Variants in CNTNAP2 observed in about 807,000 individuals in gnomAD.
CNTNAP2 encodes the protein contactin associated protein 2.
In CNTNAP2, 98 loss-of-function variants were observed where a neutral mutation model predicts 155.2. That is an observed-to-expected ratio of 0.63 (90% CI 0.54 to 0.75). The LOEUF (loss-of-function observed/expected upper bound fraction) is 0.75, where lower values mean the gene tolerates loss of function less well. CNTNAP2 is among the 30% of genes least tolerant of loss of function. CNTNAP2 has a pLI of 0.00. For synonymous variants in CNTNAP2, 651 were observed against 631.2 expected, an observed-to-expected ratio of 1.03 and a Z score of -0.47; for missense variants, 1,727 against 1,688.1, an observed-to-expected ratio of 1.02 and a Z score of -0.40.
intron 1 of CNTNAP2, among the ~76,000 whole-genome samples, chr7:146,151,471 T>C: frequency 6.6e-6 from 1 of 150,676 alleles, no homozygotes; most frequent in Non-Finnish European, 1.5e-5. Flanking sequence ...ACATTTTATA[T>C]ATAAATGAGA....
chr7:146,821,779 C>T (rs1585106916), intron 2 of CNTNAP2, among the ~76,000 whole-genome samples: 1 of 152,052 alleles, frequency 6.6e-6, no homozygotes, highest in East Asian at 1.9e-4. Flanking sequence ...GAGATACCAT[C>T]TCACACCAGT....
intron 12 of CNTNAP2, among the ~76,000 whole-genome samples, chr7:147,610,053 A>T (rs1441666953): frequency 6.6e-6 from 1 of 152,124 alleles, no homozygotes; most frequent in Non-Finnish European, 1.5e-5. Context: ...TGTAAAGCTA[A>T]ATTAGTCATT....
At chr7:146,808,860 G>T (rs1490505654) in intron 2 of CNTNAP2, among the ~76,000 whole-genome samples, 2 of 152,078 alleles carry the variant, frequency 1.3e-5, no homozygotes, top group Non-Finnish European at 2.9e-5. Context: ...CATTCACGTT[G>T]TCACGAATGA....
chr7:148,332,448 G>A (rs984739486), intron 21 of CNTNAP2, among the ~76,000 whole-genome samples: 1 of 152,166 alleles, frequency 6.6e-6, no homozygotes, highest in Non-Finnish European at 1.5e-5. Flanking sequence ...GGCTTGGCAA[G>A]GGCAGGGGCC....
intron 15 of CNTNAP2, among the ~76,000 whole-genome samples, chr7:148,033,993 A>C (rs773722122): frequency 2.0e-5 from 3 of 152,236 alleles, no homozygotes; most frequent in Non-Finnish European, 4.4e-5. Context: ...AGGCAGGAAA[A>C]AGAAAATTCT....
chr7:147,380,581 G>A (rs983305601), intron 9 of CNTNAP2, among the ~76,000 whole-genome samples: 2 of 151,742 alleles, frequency 1.3e-5, no homozygotes, highest in Non-Finnish European at 2.9e-5. Flanking sequence ...CCAAAAAAAA[G>A]GCAGAAAAAT....
At position 148,001,822 on chromosome 7, in the gene CNTNAP2, TA is replaced by T. The variant is rs563611581; in HGVS notation, c.2383+23834del. Among the ~76,000 whole-genome samples, 780 of 152,370 alleles carry T rather than the reference TA, an allele frequency of 5.1e-3. 8 individuals are homozygous for T. Among genetic ancestry groups the T allele is most frequent in the African/African-American group, 0.017 (710 of 41,586 alleles). The stretch of plus-strand genomic sequence containing the variant: ...AATATTTCTGTAAAATTTTCTGGTC[TA>T]TTTTTTTCAGGTTGGTACTTTTTAA... On this transcript the variant is annotated intron_variant, in intron 15 of 23. Coordinates refer to ENST00000361727, the MANE Select transcript of CNTNAP2 (RefSeq NM_014141.6).
intron 20 of CNTNAP2, among the ~76,000 whole-genome samples, chr7:148,233,021 T>C (rs1795989745): frequency 6.6e-6 from 1 of 152,236 alleles, no homozygotes; most frequent in Non-Finnish European, 1.5e-5. Flanking sequence ...ACCCATGGCA[T>C]ACCTCCAGTG....
intron 18 of CNTNAP2, among the ~76,000 whole-genome samples, chr7:148,181,605 T>C (rs1038871989): frequency 6.6e-6 from 1 of 152,118 alleles, no homozygotes; most frequent in African/African-American, 2.4e-5. Flanking sequence ...CAATTAACTT[T>C]CTTAGAGAAA....
chr7:147,151,846 C>T (rs1480626765), intron 8 of CNTNAP2, among the ~76,000 whole-genome samples: 1 of 152,066 alleles, frequency 6.6e-6, no homozygotes, highest in Admixed American at 6.5e-5. Context: ...ACAAACACAG[C>T]ACAGAGCTGG....
At chr7:147,221,525 G>A (rs1316821506) in intron 8 of CNTNAP2, among the ~76,000 whole-genome samples, 2 of 152,170 alleles carry the variant, frequency 1.3e-5, no homozygotes, top group Non-Finnish European at 2.9e-5. Context: ...GCTTAGCATG[G>A]GTTCTCTCAG....
intron 15 of CNTNAP2, chr7:148,014,320 A>G (rs936417345): frequency 3.3e-5 from 5 of 151,680 alleles, no homozygotes; most frequent in Admixed American, 1.3e-4. Flanking sequence ...TGGTCTTGCA[A>G]TGGGCTTTTT....
intron 4 of CNTNAP2, among the ~76,000 whole-genome samples, chr7:147,064,756 C>A (rs534088510): frequency 6.6e-6 from 1 of 152,214 alleles, no homozygotes; most frequent in African/African-American, 2.4e-5. Context: ...GAAAATCATT[C>A]TCTCCATCTC....
chr7:148,363,433 A>T (rs1304739305), intron 21 of CNTNAP2, among the ~76,000 whole-genome samples: 1 of 152,220 alleles, frequency 6.6e-6, no homozygotes, highest in African/African-American at 2.4e-5. Flanking sequence ...CAAGACAGTA[A>T]TATTATTTTT....
chr7:147,218,700 G>C (rs1393925244), intron 8 of CNTNAP2, among the ~76,000 whole-genome samples: 1 of 151,980 alleles, frequency 6.6e-6, no homozygotes, highest in East Asian at 1.9e-4. Context: ...TGTGTATTCT[G>C]TTGTTGGATA....
intron 1 of CNTNAP2, among the ~76,000 whole-genome samples, chr7:146,174,251 G>A (rs1798437774): frequency 6.6e-6 from 1 of 150,970 alleles, no homozygotes; most frequent in South Asian, 2.1e-4. Context: ...CATAACAACA[G>A]AATACCGAAT....
chr7:146,180,622 C>T (rs1004863901), intron 1 of CNTNAP2, among the ~76,000 whole-genome samples: 1 of 152,116 alleles, frequency 6.6e-6, no homozygotes, highest in Non-Finnish European at 1.5e-5. Context: ...CATTCTTCCT[C>T]AATCAACAGC....
chr7:146,265,056 G>A (rs938489802), intron 1 of CNTNAP2, among the ~76,000 whole-genome samples: 6 of 152,188 alleles, frequency 3.9e-5, no homozygotes, highest in African/African-American at 1.4e-4. Context: ...TCTAATGGCT[G>A]TATTTAAAAG....
intron 13 of CNTNAP2, among the ~76,000 whole-genome samples, chr7:147,833,714 TA>T (rs1199967772): frequency 6.6e-6 from 1 of 152,162 alleles, no homozygotes; most frequent in Non-Finnish European, 1.5e-5. Context: ...ACTGCCCCAA[TA>T]CACACTTCTC....
Sources: gnomAD v4.1 joint callset for allele counts (sites outside exome capture counted in the v4.1 genomes callset) on GRCh38, gnomAD v4.1.1 for gene constraint, MANE v1.5 for transcripts, NCBI Gene and HGNC (gene_info 2026-07-23, HGNC 2026-07-21) for gene names.